Variants in MBNL2 observed in about 807,000 individuals in gnomAD.
MBNL2 encodes muscleblind like splicing regulator 2.
A neutral mutation model predicts 41.9 loss-of-function variants in MBNL2; 17 were observed. The ratio of observed to expected loss-of-function variants is 0.41; its 90% CI spans 0.28 to 0.61. The LOEUF is 0.61. MBNL2 is among the 20% of genes least tolerant of loss of function. The probability of loss-of-function intolerance (pLI) is 0.35; values close to 1 mark genes in which losing one functional copy is unlikely to be tolerated. For synonymous variants in MBNL2, 195 were observed against 182.9 expected (o/e 1.07, Z -0.53); for missense variants, 336 against 505.6 (o/e 0.66, Z 3.22).
chr13:97,182,846 C>G, the MBNL2 span, among the ~76,000 whole-genome samples: 1 of 152,184 alleles, frequency 6.6e-6, no homozygotes, highest in Non-Finnish European at 1.5e-5. Flanking sequence ...TATTCCCCTC[C>G]ATTGTGTATT....
At chr13:97,197,282 A>G in the MBNL2 span, among the ~76,000 whole-genome samples, 1 of 152,128 alleles carries the variant, frequency 6.6e-6, no homozygotes, top group Non-Finnish European at 1.5e-5. Flanking sequence ...TACCCCCTAC[A>G]CTTTTACTAA....
intron 2 of MBNL2, among the ~76,000 whole-genome samples, chr13:97,291,577 G>C (rs941349908): frequency 6.6e-6 from 1 of 152,046 alleles, no homozygotes; most frequent in Admixed American, 6.6e-5. Context: ...ATCTCCATTT[G>C]CTCTTTACCT....
intron 8 of MBNL2, among the ~76,000 whole-genome samples, chr13:97,376,802 T>C (rs2065003247): frequency 6.6e-6 from 1 of 152,180 alleles, no homozygotes; most frequent in Admixed American, 6.5e-5. Context: ...TCCACCATCA[T>C]ACCATACCTC....
chr13:97,371,849 A>G (rs1051098913), intron 8 of MBNL2, among the ~76,000 whole-genome samples: 1 of 152,232 alleles, frequency 6.6e-6, no homozygotes, highest in Non-Finnish European at 1.5e-5. Flanking sequence ...CATGGTAGAA[A>G]GAGAGATTGA....
intron 1 of MBNL2, among the ~76,000 whole-genome samples, chr13:97,253,765 AATTT>A (rs1212009768): frequency 7.6e-6 from 1 of 131,962 alleles, no homozygotes; most frequent in Non-Finnish European, 1.5e-5. Flanking sequence ...AATACGTATT[AATTT>A]ATTAATACGT....
the MBNL2 span, among the ~76,000 whole-genome samples, chr13:97,159,695 T>C: frequency 6.6e-6 from 1 of 151,038 alleles, no homozygotes; most frequent in African/African-American, 2.4e-5. Context: ...GGTTGAAAAT[T>C]CTTTTCTTTA....
intron 2 of MBNL2, among the ~76,000 whole-genome samples, chr13:97,282,867 C>T (rs1030545448): frequency 1.3e-5 from 2 of 152,156 alleles, no homozygotes; most frequent in African/African-American, 4.8e-5. Context: ...TTATTGTGCC[C>T]CAGCACCTAG....
rs1179956915 is a variant in MBNL2 at position 97,319,746 on chromosome 13, T to C, written c.175-14530T>C. 2.0e-5 allele frequency among the ~76,000 whole-genome samples: 3 copies of C among 152,232 alleles called. No homozygotes were observed. In the East Asian group the frequency reaches 5.8e-4, roughly 29 times the overall value. The stretch of plus-strand genomic sequence containing the variant: ...TCAGAATACAAAAATTATCCCAACA[T>C]TTCTCTTTGAAAATGGATCTTCAGA... On this transcript the variant is annotated intron_variant, in intron 2 of 8. Coordinates refer to ENST00000679496, the MANE Select transcript of MBNL2 (RefSeq NM_001382683.1).
intron 2 of MBNL2, among the ~76,000 whole-genome samples, chr13:97,321,578 G>A (rs1443603144): frequency 6.6e-6 from 1 of 152,216 alleles, no homozygotes; most frequent in East Asian, 1.9e-4. Context: ...GTTTTGGTGA[G>A]GGAAGAGCAG....
At chr13:97,357,435 G>A in intron 6 of MBNL2, 47 bp from the exon 7 acceptor site, 2 of 1,506,866 alleles carry the variant, frequency 1.3e-6, no homozygotes, top group Non-Finnish European at 1.8e-6. Flanking sequence ...CATGGAAGGT[G>A]TGTTTGCTTT....
the MBNL2 span, among the ~76,000 whole-genome samples, chr13:97,170,177 A>T: frequency 6.6e-6 from 1 of 152,214 alleles, no homozygotes; most frequent in Admixed American, 6.5e-5. Flanking sequence ...TAAATTCTAC[A>T]TGCTGAAAGA....
At chr13:97,307,191 T>G (rs1413505785) in intron 2 of MBNL2, among the ~76,000 whole-genome samples, 1 of 152,158 alleles carries the variant, frequency 6.6e-6, no homozygotes, top group Admixed American at 6.5e-5. Context: ...GGTTGATGAT[T>G]GATTATTTGA....
At chr13:97,232,851 ATGTGTG>A (rs34769353) in intron 1 of MBNL2, among the ~76,000 whole-genome samples, 1,438 of 130,546 alleles carry the variant, frequency 0.011, 23 homozygotes, top group African/African-American at 0.026. Context: ...TCTTGACGCT[ATGTGTG>A]TGTGTGTGTG....
the MBNL2 span, among the ~76,000 whole-genome samples, chr13:97,209,988 G>A: frequency 6.6e-6 from 1 of 152,096 alleles, no homozygotes; most frequent in Non-Finnish European, 1.5e-5. Context: ...TAGAGACGGG[G>A]TTTCACCGTA....
At chr13:97,161,300 G>A in the MBNL2 span, among the ~76,000 whole-genome samples, 2 of 152,006 alleles carry the variant, frequency 1.3e-5, no homozygotes, top group African/African-American at 4.8e-5. Context: ...CAAGCTTTGG[G>A]GTCCATTCTC....
the MBNL2 span, among the ~76,000 whole-genome samples, chr13:97,187,719 AAC>A: frequency 6.6e-6 from 1 of 151,670 alleles, no homozygotes; most frequent in Non-Finnish European, 1.5e-5. Flanking sequence ...CATCCTGGCT[AAC>A]ACACTGAAAC....
upstream of MBNL2, chr13:97,221,501 G>A (rs1356841760): frequency 6.6e-6 from 1 of 152,120 alleles, no homozygotes; most frequent in Non-Finnish European, 1.5e-5. Flanking sequence ...CTTGGATCAT[G>A]TACCCCTTGT....
the MBNL2 span, among the ~76,000 whole-genome samples, chr13:97,170,587 G>A: frequency 1.3e-5 from 2 of 152,108 alleles, no homozygotes; most frequent in Non-Finnish European, 2.9e-5. Flanking sequence ...GGTTGGAGGT[G>A]AAATCATAGG....
intron 1 of MBNL2, among the ~76,000 whole-genome samples, chr13:97,265,079 T>G (rs2049464503): frequency 6.6e-6 from 1 of 152,262 alleles, no homozygotes; most frequent in African/African-American, 2.4e-5. Context: ...ACGTGTTGAA[T>G]AGATTACATC....
Sources: allele counts gnomAD v4.1 joint callset (sites outside exome capture counted in the v4.1 genomes callset), GRCh38; gene constraint gnomAD v4.1.1; transcripts MANE v1.5; gene names NCBI Gene and HGNC (gene_info 2026-07-23, HGNC 2026-07-21).